The following FAM124A variants were observed in gnomAD, a reference collection of about 807,000 sequenced individuals.
FAM124A encodes the protein protein FAM124A.
FAM124A carries 23 observed loss-of-function variants against 24.5 expected under a neutral mutation model. The observed-to-expected ratio is 0.94, with a 90% CI of 0.68 to 1.33. FAM124A has a LOEUF of 1.33. Ranked by LOEUF, FAM124A falls within the 40% of genes most tolerant of loss-of-function variation. The probability of loss-of-function intolerance (pLI) is 0.00; values close to 1 mark genes in which losing one functional copy is unlikely to be tolerated. For synonymous variants in FAM124A, 287 were observed against 314.7 expected (o/e 0.91, Z 0.93); for missense variants, 623 against 722.8 (o/e 0.86, Z 1.58).
At chr13:51,274,780 CA>C (rs1360637917) in intron 3 of FAM124A, among the ~76,000 whole-genome samples, 6 of 152,054 alleles carry the variant, frequency 3.9e-5, no homozygotes, top group Non-Finnish European at 8.8e-5. Flanking sequence ...TTGCTATGTA[CA>C]AAACTGAACA....
At chr13:51,248,082 G>T (rs1954582588) in intron 2 of FAM124A, among the ~76,000 whole-genome samples, 1 of 152,132 alleles carries the variant, frequency 6.6e-6, no homozygotes, top group South Asian at 2.1e-4. Context: ...AAAGTAACTG[G>T]CCCATCCTTA....
At chr13:51,264,562 C>T (rs1254920122) in intron 3 of FAM124A, among the ~76,000 whole-genome samples, 1 of 152,024 alleles carries the variant, frequency 6.6e-6, no homozygotes, top group African/African-American at 2.4e-5. Flanking sequence ...AGTTCCAGGC[C>T]GCAGTGCTCT....
At chr13:51,256,184 A>G (rs1300774329) in intron 3 of FAM124A, among the ~76,000 whole-genome samples, 1 of 152,238 alleles carries the variant, frequency 6.6e-6, no homozygotes, top group African/African-American at 2.4e-5. Context: ...AGACAGAAGC[A>G]CAGTCCAAGG....
At position 51,258,588 on chromosome 13, in the gene FAM124A, T is replaced by C. The variant is rs1005808038; in HGVS notation, c.834+6387T>C. Among the ~76,000 whole-genome samples the C allele has an allele frequency of 5.9e-5, 9 of 152,310 alleles. No individual in the cohort carries two copies. Among genetic ancestry groups the C allele is most frequent in the East Asian group, 1.9e-4 (1 of 5,174 alleles). ...GCAAACCAAGAAAGCTAGCAAAGCA[T>C]TGCAGTGCTGTGGCTTCAAAACTCA... On this transcript the variant is annotated intron_variant, in intron 3 of 3. Coordinates refer to ENST00000322475, the MANE Select transcript of FAM124A (RefSeq NM_001242312.2). This position sits in a 1 kb window ranked among gnomAD's most constrained non-coding sequence, Gnocchi z 4.2.
chr13:51,254,333 A>T (rs1192807281), intron 3 of FAM124A, among the ~76,000 whole-genome samples: 2 of 152,210 alleles, frequency 1.3e-5, no homozygotes, highest in African/African-American at 4.8e-5. Flanking sequence ...CACTGACTTA[A>T]CATTCCATAT....
rs756201060 is a variant in FAM124A at position 51,281,081 on chromosome 13, G to A, written c.1466G>A (p.Ser489Asn). The change falls in exon 4 of 4, where the codon AGC becomes AAC. Residue 489 changes from serine (S) to asparagine (N), a missense_variant. By Grantham distance (46) the Ser-to-Asn change is conservative. Coordinates refer to ENST00000322475, the MANE Select transcript of FAM124A (RefSeq NM_001242312.2). Reference sequence around the variant, plus strand: ...CCTTTCTTCACCAAAAGGTCTTCCAGCTCCTCAGCGACAGCTCGTGCTGCT... The same window carrying A: ...CCTTTCTTCACCAAAAGGTCTTCCAACTCCTCAGCGACAGCTCGTGCTGCT... ...SLPFFTKRSS[S>N]SSATARAAPP... 3.7e-6 allele frequency: 6 copies of A among 1,613,912 alleles called. No individual in the cohort carries two copies. The Admixed American group carries it at 1.0e-4, about 27-fold the overall frequency.
In FAM124A at chr13:51,252,007, C is replaced by A. The variant is rs1307705173; in HGVS notation, c.640C>A (p.Leu214Met). ...CTGCATCTTCCCTATTTTTTCCAACCTGGATGTGGACATCCAGTTCTCCCT... is the reference window on the plus strand; with the variant it reads ...CTGCATCTTCCCTATTTTTTCCAACATGGATGTGGACATCCAGTTCTCCCT... ...DFCIFPIFSN[L>M]DVDIQFSLKR... The change falls in exon 3 of 4, where the codon CTG becomes ATG. Residue 214 changes from leucine (L) to methionine (M), a missense_variant. Transcript: ENST00000322475. 6.2e-6 allele frequency: 10 copies of A among 1,614,258 alleles called. No homozygotes were observed. The highest frequency in any genetic ancestry group is 5.9e-6 in the Non-Finnish European group (7 of 1,180,044).
At chr13:51,278,896 A>C (rs1044807313) in intron 3 of FAM124A, among the ~76,000 whole-genome samples, 4 of 152,246 alleles carry the variant, frequency 2.6e-5, no homozygotes, top group African/African-American at 7.2e-5. Flanking sequence ...GAACATTTAG[A>C]CGTCCCCTGG....
chr13:51,250,606 G>A (rs1048411044), intron 2 of FAM124A, among the ~76,000 whole-genome samples: 1 of 152,216 alleles, frequency 6.6e-6, no homozygotes. Context: ...GAGGGTAACC[G>A]ACCCATTCAA....
At chr13:51,244,832 C>G (rs953899657) in intron 2 of FAM124A, among the ~76,000 whole-genome samples, 1 of 152,196 alleles carries the variant, frequency 6.6e-6, no homozygotes, top group Admixed American at 6.5e-5. Flanking sequence ...GATGCCCACC[C>G]AGGCGAAACA....
At chr13:51,265,486 C>T (rs993182749) in intron 3 of FAM124A, among the ~76,000 whole-genome samples, 1 of 152,098 alleles carries the variant, frequency 6.6e-6, no homozygotes, top group Non-Finnish European at 1.5e-5. Flanking sequence ...TGCATTTCCA[C>T]CTTACACCCA....
chr13:51,244,922 G>A (rs1157122508), intron 2 of FAM124A, among the ~76,000 whole-genome samples: 1 of 152,190 alleles, frequency 6.6e-6, no homozygotes, highest in African/African-American at 2.4e-5. Context: ...CAGCCAATTT[G>A]GGGCAGAAAA....
chr13:51,225,347 T>C (rs1954305034), intron 1 of FAM124A: 1 of 152,184 alleles, frequency 6.6e-6, no homozygotes, highest in African/African-American at 2.4e-5. Context: ...AGAGACTAAA[T>C]CAACTGAAGG....
chr13:51,264,073 G>A (rs1251006721), intron 3 of FAM124A, among the ~76,000 whole-genome samples: 1 of 152,192 alleles, frequency 6.6e-6, no homozygotes, highest in East Asian at 1.9e-4. Flanking sequence ...ATGTGGCCAA[G>A]GACAAAGTCA....
At chr13:51,233,557 G>A (rs557784558) in intron 2 of FAM124A, among the ~76,000 whole-genome samples, 3 of 152,026 alleles carry the variant, frequency 2.0e-5, no homozygotes, top group Non-Finnish European at 4.4e-5. Flanking sequence ...GGGGTGGGGC[G>A]GGTAGGGGGA....
chr13:51,260,754 A>C (rs1954727384), intron 3 of FAM124A, among the ~76,000 whole-genome samples: 1 of 152,158 alleles, frequency 6.6e-6, no homozygotes. Flanking sequence ...CGTGGTCTCC[A>C]ACTTTAGAAG....
At chr13:51,226,794 T>C (rs972164915) in intron 1 of FAM124A, among the ~76,000 whole-genome samples, 10 of 152,208 alleles carry the variant, frequency 6.6e-5, no homozygotes, top group Non-Finnish European at 1.3e-4. Context: ...CTTTGAAAGT[T>C]ACAGTCACAA....
In FAM124A at chr13:51,277,275, A is replaced by G. The variant is rs555599181; in HGVS notation, c.835-3175A>G. ...CTCATTTAGAAGTGAGACCTAAACA[A>G]TGGGTACACATGGACATGCAGAGTG... On this transcript the variant is annotated intron_variant, in intron 3 of 3. Transcript: ENST00000322475. 3.5e-5 allele frequency among the ~76,000 whole-genome samples: 5 copies of G among 141,406 alleles called. No individual in the cohort carries two copies. In the South Asian group the frequency reaches 1.2e-3, roughly 33 times the overall value. 92.8% of individuals were successfully genotyped at this position (141,406 alleles called of 152,430 possible).
chr13:51,252,840 G>T (rs1006225413), intron 3 of FAM124A: 1 of 152,474 alleles, frequency 6.6e-6, no homozygotes, highest in Non-Finnish European at 1.5e-5. Context: ...CTTGGAAGGG[G>T]TGAAGGAATT....
Sources: allele counts gnomAD v4.1 joint callset (sites outside exome capture counted in the v4.1 genomes callset), GRCh38; gene constraint gnomAD v4.1.1; non-coding constraint Gnocchi (gnomAD v3.1); transcripts MANE v1.5; gene names NCBI Gene and HGNC (gene_info 2026-07-23, HGNC 2026-07-21).